Variants in NUS1 observed in about 807,000 individuals in gnomAD.
NUS1 encodes the protein dehydrodolichyl diphosphate synthase complex subunit NUS1.
For missense variants in NUS1, 292 were observed against 382.9 expected (o/e 0.76, Z 1.98); for synonymous variants, 135 against 155.2 (o/e 0.87, Z 0.97).
At chr6:117,685,544 G>A (rs922980079) in intron 1 of NUS1, among the ~76,000 whole-genome samples, 1 of 151,872 alleles carries the variant, frequency 6.6e-6, no homozygotes, top group Non-Finnish European at 1.5e-5. Flanking sequence ...TAAAGACAGG[G>A]TCTTGCTACA....
chr6:117,701,535 C>T (rs1183453429), intron 3 of NUS1, among the ~76,000 whole-genome samples: 3 of 152,148 alleles, frequency 2.0e-5, no homozygotes, highest in East Asian at 1.9e-4. Flanking sequence ...TGAGCCACCA[C>T]GCCCGGCCGG....
chr6:117,690,720 G>A (rs148622698), intron 1 of NUS1, among the ~76,000 whole-genome samples: 40 of 152,148 alleles, frequency 2.6e-4, no homozygotes, highest in African/African-American at 9.4e-4. Flanking sequence ...GGCTGGGTGT[G>A]GTGGCTCACA....
chr6:117,680,099 G>C (rs1004817275), intron 1 of NUS1, among the ~76,000 whole-genome samples: 1 of 152,098 alleles, frequency 6.6e-6, no homozygotes, highest in Non-Finnish European at 1.5e-5. Flanking sequence ...TAATTTGACT[G>C]CCAGCAAACT....
chr6:117,675,885 C>T lies in NUS1; in HGVS notation c.215C>T (p.Pro72Leu), dbSNP rs1294744875. The change falls in exon 1 of 5, where the codon CCG becomes CTG. Residue 72 changes from proline to leucine, a missense_variant. Coordinates refer to ENST00000368494, the MANE Select transcript of NUS1 (RefSeq NM_138459.5). ...AGGAACCGCCGTCACCACCGGCACC[C>T]GCGCGGGGGGTCGTGCCTGGCAGCC... is the stretch of plus-strand genomic sequence containing the variant. ...VGRNRRHHRH[P>L]RGGSCLAAAH... 5.2e-6 allele frequency: 8 copies of T among 1,534,720 alleles called. No homozygotes were observed. The East Asian group carries it at 7.4e-5, about 14-fold the overall frequency.
At chr6:117,687,132 A>AT (rs781167173) in intron 1 of NUS1, among the ~76,000 whole-genome samples, 2 of 152,206 alleles carry the variant, frequency 1.3e-5, no homozygotes, top group Non-Finnish European at 2.9e-5. Flanking sequence ...TATAAGAGAC[A>AT]TTTTGTAACT....
At chr6:117,691,336 G>C (rs1426878784) in intron 1 of NUS1, among the ~76,000 whole-genome samples, 1 of 151,714 alleles carries the variant, frequency 6.6e-6, no homozygotes, top group Non-Finnish European at 1.5e-5. Context: ...GCATTGGTCT[G>C]TTTTTTTAAC....
chr6:117,702,406 A>T (rs1391475422), intron 3 of NUS1, among the ~76,000 whole-genome samples: 1 of 152,188 alleles, frequency 6.6e-6, no homozygotes, highest in African/African-American at 2.4e-5. Context: ...TGGGGTGGGC[A>T]TTGGGAGCAG....
intron 1 of NUS1, among the ~76,000 whole-genome samples, chr6:117,690,862 G>T (rs555813964): frequency 6.6e-6 from 1 of 150,402 alleles, no homozygotes; most frequent in Non-Finnish European, 1.5e-5. Context: ...GCATGGTGGC[G>T]CATGCCTGTA....
chr6:117,699,530 GGAA>G (rs1235544975), intron 3 of NUS1, among the ~76,000 whole-genome samples: 2 of 152,078 alleles, frequency 1.3e-5, no homozygotes, highest in African/African-American at 4.8e-5. Flanking sequence ...TTCATGGATT[GGAA>G]GAAGAATCAA....
intron 1 of NUS1, among the ~76,000 whole-genome samples, chr6:117,687,201 A>G (rs2114682608): frequency 6.6e-6 from 1 of 152,294 alleles, no homozygotes; most frequent in South Asian, 2.1e-4. Flanking sequence ...GCAATAAGGA[A>G]GTGTCTGCTT....
intron 1 of NUS1, among the ~76,000 whole-genome samples, chr6:117,684,625 C>A (rs892873198): frequency 6.6e-6 from 1 of 152,146 alleles, no homozygotes; most frequent in African/African-American, 2.4e-5. Flanking sequence ...TTTCGAAATT[C>A]ATTACCAAGG....
intron 3 of NUS1, among the ~76,000 whole-genome samples, chr6:117,703,299 T>C (rs1773437453): frequency 6.6e-6 from 1 of 152,188 alleles, no homozygotes; most frequent in African/African-American, 2.4e-5. Context: ...AAAAGATACA[T>C]GTGATTTTGG....
chr6:117,685,024 A>G (rs978273103), intron 1 of NUS1, among the ~76,000 whole-genome samples: 1 of 152,238 alleles, frequency 6.6e-6, no homozygotes, highest in African/African-American at 2.4e-5. Context: ...TCCAGTAGTT[A>G]TGGGGAAGGT....
In NUS1 at chr6:117,706,906, C is replaced by G; in HGVS notation, c.792-19C>G. The G allele has an allele frequency of 6.2e-6, 10 of 1,601,382 alleles. No homozygotes were observed. The highest frequency in any genetic ancestry group is 8.6e-6 in the Non-Finnish European group (10 of 1,168,872). On this transcript the variant is annotated intron_variant, in intron 4 of 4. Coordinates refer to ENST00000368494, the MANE Select transcript of NUS1 (RefSeq NM_138459.5). ...AGTGTATATCTAATTGCTTTTCTCCCCCCGTGTTTTCTTTTCAGCTCTTTG... is the reference window on the plus strand; with the variant it reads ...AGTGTATATCTAATTGCTTTTCTCCGCCCGTGTTTTCTTTTCAGCTCTTTG...
intron 3 of NUS1, among the ~76,000 whole-genome samples, chr6:117,698,580 T>C (rs539928145): frequency 6.6e-6 from 1 of 152,194 alleles, no homozygotes; most frequent in Non-Finnish European, 1.5e-5. Flanking sequence ...ATTGCTGGAT[T>C]CTACCAAACA....
At chr6:117,697,584 G>C (rs1773338276) in intron 3 of NUS1, among the ~76,000 whole-genome samples, 1 of 151,822 alleles carries the variant, frequency 6.6e-6, no homozygotes, top group African/African-American at 2.4e-5. Flanking sequence ...AGTGATAAAG[G>C]GGTCATTTTA....
intron 1 of NUS1, among the ~76,000 whole-genome samples, chr6:117,683,429 A>G (rs769354191): frequency 6.6e-6 from 1 of 152,188 alleles, no homozygotes; most frequent in Non-Finnish European, 1.5e-5. Context: ...TTCATTTTAA[A>G]TAATTGCTCC....
intron 3 of NUS1, among the ~76,000 whole-genome samples, chr6:117,696,157 T>G (rs1773316807): frequency 6.6e-6 from 1 of 151,992 alleles, no homozygotes; most frequent in Non-Finnish European, 1.5e-5. Flanking sequence ...TGAAAATGCA[T>G]CAGAGTCTCT....
intron 3 of NUS1, among the ~76,000 whole-genome samples, chr6:117,694,705 T>C (rs1773290850): frequency 6.6e-6 from 1 of 152,178 alleles, no homozygotes; most frequent in Non-Finnish European, 1.5e-5. Context: ...GGTTTGCATA[T>C]TCTGTCTAGA....
Sources: allele counts gnomAD v4.1 joint callset (sites outside exome capture counted in the v4.1 genomes callset), GRCh38; gene constraint gnomAD v4.1.1; transcripts MANE v1.5; gene names NCBI Gene and HGNC (gene_info 2026-07-23, HGNC 2026-07-21).